Variants in COL25A1 observed in about 807,000 individuals in gnomAD.
COL25A1 encodes the protein collagen type XXV alpha 1 chain.
Under a neutral mutation model 128.4 loss-of-function variants are expected in COL25A1, and 103 were observed. The ratio of observed to expected loss-of-function variants is 0.80; its 90% CI spans 0.68 to 0.94. The LOEUF (loss-of-function observed/expected upper bound fraction) is 0.94, where lower values mean the gene tolerates loss of function less well. COL25A1 is among the 40% of genes least tolerant of loss of function. The pLI is 0.00. For synonymous variants in COL25A1, 279 were observed against 277.2 expected, an observed-to-expected ratio of 1.01 and a Z score of -0.06; for missense variants, 745 against 840.0, an observed-to-expected ratio of 0.89 and a Z score of 1.40.
chr4:108,858,063 G>C (rs1736729392), intron 24 of COL25A1, among the ~76,000 whole-genome samples: 1 of 152,092 alleles, frequency 6.6e-6, no homozygotes, highest in Non-Finnish European at 1.5e-5. Flanking sequence ...GAGGAGACTT[G>C]TATGGATATG....
At chr4:109,060,310 A>G (rs1490166939) in intron 3 of COL25A1, among the ~76,000 whole-genome samples, 1 of 152,114 alleles carries the variant, frequency 6.6e-6, no homozygotes, top group East Asian at 1.9e-4. Context: ...AGCAACCTCT[A>G]ATCCTTTTCA....
At chr4:109,119,626 T>C (rs1216974918) in intron 3 of COL25A1, among the ~76,000 whole-genome samples, 2 of 152,034 alleles carry the variant, frequency 1.3e-5, no homozygotes, top group Non-Finnish European at 2.9e-5. Flanking sequence ...TGAGTACGCC[T>C]ATTAATGAAT....
At chr4:108,904,038 G>A (rs966241884) in intron 13 of COL25A1, among the ~76,000 whole-genome samples, 7 of 152,036 alleles carry the variant, frequency 4.6e-5, no homozygotes, top group African/African-American at 1.7e-4. Context: ...CATACTCCAA[G>A]TTAGATTAAA....
intron 3 of COL25A1, among the ~76,000 whole-genome samples, chr4:109,222,677 A>G (rs1480344147): frequency 2.0e-5 from 3 of 152,194 alleles, no homozygotes; most frequent in Non-Finnish European, 4.4e-5. Context: ...CAGTGACCCA[A>G]GAGAGTTTAA....
At position 108,899,144 on chromosome 4, in the gene COL25A1, T is replaced by C; in HGVS notation, c.861+10A>G. 6.2e-7 allele frequency: 1 copy of C among 1,609,086 alleles called. No individual in the cohort carries two copies. Among genetic ancestry groups the C allele is most frequent in the Admixed American group, 1.7e-5 (1 of 59,518 alleles). On this transcript the variant is annotated intron_variant, in intron 15 of 37. Transcript: ENST00000399132. ...TAGGGAGAGAGAAATACAGGCAGAA[T>C]CATTCTTACCTTTTCACCTTGTTCT...
intron 3 of COL25A1, among the ~76,000 whole-genome samples, chr4:109,118,898 A>T (rs1304631622): frequency 6.6e-6 from 1 of 152,008 alleles, no homozygotes; most frequent in Non-Finnish European, 1.5e-5. Flanking sequence ...TACTTCATCA[A>T]CCAACAGCAG....
chr4:108,968,306 C>T (rs1450151007), intron 8 of COL25A1, among the ~76,000 whole-genome samples: 4 of 152,154 alleles, frequency 2.6e-5, no homozygotes, highest in Non-Finnish European at 5.9e-5. Flanking sequence ...TATTCAAAGA[C>T]GGTCAACTTT....
intron 3 of COL25A1, among the ~76,000 whole-genome samples, chr4:109,202,500 C>T (rs866382394): frequency 6.6e-6 from 1 of 151,922 alleles, no homozygotes; most frequent in Non-Finnish European, 1.5e-5. Flanking sequence ...AAATGCAACA[C>T]TATAAAACTC....
intron 3 of COL25A1, among the ~76,000 whole-genome samples, chr4:109,150,575 A>G (rs1771402884): frequency 6.6e-6 from 1 of 152,212 alleles, no homozygotes; most frequent in Non-Finnish European, 1.5e-5. Context: ...TTCAAAAATA[A>G]TTATCATTAA....
chr4:109,295,574 T>C (rs2126288938), intron 3 of COL25A1, among the ~76,000 whole-genome samples: 1 of 152,218 alleles, frequency 6.6e-6, no homozygotes, highest in Admixed American at 6.5e-5. Context: ...TTGTGCAGTG[T>C]TAAGATAAAA....
intron 6 of COL25A1, among the ~76,000 whole-genome samples, chr4:109,003,148 C>A (rs568175013): frequency 2.0e-5 from 3 of 152,278 alleles, no homozygotes; most frequent in Admixed American, 2.0e-4. Flanking sequence ...TTCTGCATAG[C>A]AAAAGAAACT....
At position 108,852,252 on chromosome 4, in the gene COL25A1, C is replaced by T; in HGVS notation, c.1373G>A (p.Gly458Glu). 5 of 1,604,566 alleles carry T rather than the reference C, an allele frequency of 3.1e-6. No individual in the cohort carries two copies. Among genetic ancestry groups the T allele is most frequent in the Non-Finnish European group, 4.2e-6 (5 of 1,176,548 alleles). ...TGPPGPPGPQ[G>E]LQGPKGEQGS... ...AAGAATAACCTTTGGCCCTTGTAGT[C>T]CTTGAGGTCCAGGAGGTCCAGGGGG... is the stretch of plus-strand genomic sequence containing the variant. Residue 458 changes from glycine to glutamate, a missense_variant, in exon 26 of 38, where the codon GGA (glycine) becomes GAA (glutamate). Transcript: ENST00000399132.
chr4:109,284,945 G>A (rs1009444334), intron 3 of COL25A1, among the ~76,000 whole-genome samples: 6 of 151,318 alleles, frequency 4.0e-5, no homozygotes, highest in Admixed American at 3.9e-4. Flanking sequence ...TTCAGTATCA[G>A]CCAATAGAAT....
chr4:108,860,978 C>T lies in COL25A1; in HGVS notation c.1198-7G>A, dbSNP rs1737139567. 6.2e-7 allele frequency: 1 copy of T among 1,613,128 alleles called. No individual in the cohort carries two copies. The highest frequency in any genetic ancestry group is 8.5e-7 in the Non-Finnish European group (1 of 1,179,404). ...CTTTTTCTCCACGATCCCCCTTTTCCCGTTGGAAAGAGAAAAAACTTAATC... is the reference window on the plus strand; with the variant it reads ...CTTTTTCTCCACGATCCCCCTTTTCTCGTTGGAAAGAGAAAAAACTTAATC... On this transcript the variant is annotated splice_polypyrimidine_tract_variant and splice_region_variant and intron_variant, in intron 22 of 37. Coordinates refer to ENST00000399132, the MANE Select transcript of COL25A1 (RefSeq NM_198721.4).
At chr4:108,903,511 C>T (rs1272562491) in intron 13 of COL25A1, among the ~76,000 whole-genome samples, 4 of 151,990 alleles carry the variant, frequency 2.6e-5, no homozygotes, top group Non-Finnish European at 4.4e-5. Context: ...GTTGAATACT[C>T]ATGTTCTTCC....
chr4:108,883,802 T>G (rs1470137892), intron 19 of COL25A1, among the ~76,000 whole-genome samples: 1 of 152,200 alleles, frequency 6.6e-6, no homozygotes, highest in Non-Finnish European at 1.5e-5. Flanking sequence ...GCCTAAATGT[T>G]AGCTTTATGG....
At chr4:109,258,474 T>C (rs1237648776) in intron 3 of COL25A1, among the ~76,000 whole-genome samples, 1 of 152,212 alleles carries the variant, frequency 6.6e-6, no homozygotes, top group Admixed American at 6.5e-5. Flanking sequence ...GTACTTCATA[T>C]AATTATTTTG....
chr4:108,913,908 G>A (rs1317513587), intron 13 of COL25A1, among the ~76,000 whole-genome samples: 1 of 152,180 alleles, frequency 6.6e-6, no homozygotes. Flanking sequence ...ATGTGTGAGT[G>A]TGCGTTTGCG....
At chr4:108,924,072 A>T (rs564324828) in intron 11 of COL25A1, among the ~76,000 whole-genome samples, 5 of 152,320 alleles carry the variant, frequency 3.3e-5, no homozygotes, top group Non-Finnish European at 5.9e-5. Context: ...AACATCAACT[A>T]TAATTAGAAC....
Sources: gnomAD v4.1 joint callset for allele counts (sites outside exome capture counted in the v4.1 genomes callset) on GRCh38, gnomAD v4.1.1 for gene constraint, MANE v1.5 for transcripts, NCBI Gene and HGNC (gene_info 2026-07-23, HGNC 2026-07-21) for gene names.